SLC2A12: variants seen among roughly 807,000 people sequenced by gnomAD.
SLC2A12 encodes the protein solute carrier family 2 member 12.
SLC2A12 carries 23 observed loss-of-function variants against 41.8 expected under a neutral mutation model. That is an observed-to-expected ratio of 0.55 (90% CI 0.40 to 0.78). The LOEUF (loss-of-function observed/expected upper bound fraction) is 0.78, where lower values mean the gene tolerates loss of function less well. Ranked by LOEUF, SLC2A12 falls within the 30% of genes least tolerant of loss-of-function variation. The pLI is 0.00. For missense variants in SLC2A12, 654 were observed against 745.6 expected (o/e 0.88, Z 1.43); for synonymous variants, 295 against 285.9 (o/e 1.03, Z -0.32).
intron 2 of SLC2A12, among the ~76,000 whole-genome samples, chr6:134,010,631 TGTG>T (rs1034400563): frequency 2.2e-4 from 34 of 152,072 alleles, no homozygotes; most frequent in African/African-American, 7.7e-4. Flanking sequence ...GGGGCGGAGG[TGTG>T]GTGATTGTTT....
chr6:134,038,984 C>A (rs532421779), intron 1 of SLC2A12, among the ~76,000 whole-genome samples: 1 of 152,184 alleles, frequency 6.6e-6, no homozygotes, highest in South Asian at 2.1e-4. Flanking sequence ...GGATTACAGG[C>A]GTGAGCTATC....
chr6:134,031,319 GA>G (rs1777203308), intron 1 of SLC2A12, among the ~76,000 whole-genome samples: 1 of 152,088 alleles, frequency 6.6e-6, no homozygotes, highest in African/African-American at 2.4e-5. Context: ...TTGAACCCAG[GA>G]GGCAGAGGTT....
chr6:134,051,278 T>C (rs1193945824), intron 1 of SLC2A12, among the ~76,000 whole-genome samples: 1 of 152,084 alleles, frequency 6.6e-6, no homozygotes, highest in African/African-American at 2.4e-5. Context: ...ACATGGAAGA[T>C]GGAGGGCTTC....
intron 4 of SLC2A12, among the ~76,000 whole-genome samples, chr6:133,996,295 T>G (rs1776685658): frequency 6.6e-6 from 1 of 152,238 alleles, no homozygotes; most frequent in Non-Finnish European, 1.5e-5. Flanking sequence ...TTGTGCCCAC[T>G]TAAGCTGGGG....
At chr6:134,037,215 C>T (rs867274896) in intron 1 of SLC2A12, among the ~76,000 whole-genome samples, 10 of 136,486 alleles carry the variant, frequency 7.3e-5, no homozygotes, top group African/African-American at 1.7e-4. Flanking sequence ...AGTGCAGTGG[C>T]GCGATTTCGG....
At position 133,991,274 on chromosome 6, in the gene SLC2A12, G is replaced by A. The variant is rs756954445; in HGVS notation, c.1735C>T (p.His579Tyr). The A allele has an allele frequency of 1.4e-5, 22 of 1,613,768 alleles. No homozygotes were observed. Among genetic ancestry groups the A allele is most frequent in the Non-Finnish European group, 1.7e-5 (20 of 1,179,892 alleles). ...TTTGGCACTAATTCTTCTTGGTGAT[G>A]ACTCATAAAACAAATGTTGTTTTTC... is the stretch of plus-strand genomic sequence containing the variant. ...YVKNNICFMSHHQEELVPKQP... is the reference protein window; with the variant it reads ...YVKNNICFMSYHQEELVPKQP... Residue 579 changes from histidine to tyrosine, a missense_variant, in exon 5 of 5, where the codon CAT becomes TAT. This residue lies in a region of SLC2A12 where 134 missense variants were observed against 180.5 expected (regional missense o/e 0.74). Transcript: ENST00000275230.
intron 1 of SLC2A12, among the ~76,000 whole-genome samples, chr6:134,037,471 C>T (rs554489412): frequency 3.3e-5 from 5 of 152,066 alleles, no homozygotes; most frequent in Non-Finnish European, 7.4e-5. Context: ...TCTCCTGCCT[C>T]AGCGTCCGGA....
At chr6:134,000,572 A>C (rs1318925805) in intron 4 of SLC2A12, among the ~76,000 whole-genome samples, 1 of 152,234 alleles carries the variant, frequency 6.6e-6, no homozygotes, top group Non-Finnish European at 1.5e-5. Context: ...CCATTATATT[A>C]AAACCCAACA....
At chr6:134,050,178 G>A (rs1157010353) in intron 1 of SLC2A12, among the ~76,000 whole-genome samples, 1 of 152,162 alleles carries the variant, frequency 6.6e-6, no homozygotes, top group Non-Finnish European at 1.5e-5. Context: ...CATACAGCAA[G>A]TCTGCACTAT....
At chr6:134,036,003 C>T (rs1777293311) in intron 1 of SLC2A12, among the ~76,000 whole-genome samples, 1 of 152,168 alleles carries the variant, frequency 6.6e-6, no homozygotes, top group South Asian at 2.1e-4. Context: ...GCACTCAACA[C>T]GAAACAATCC....
chr6:134,018,780 A>G (rs1160997103), intron 2 of SLC2A12, among the ~76,000 whole-genome samples: 1 of 149,758 alleles, frequency 6.7e-6, no homozygotes, highest in Non-Finnish European at 1.5e-5. Flanking sequence ...GTCTGTCCCT[A>G]TCACTGGTTC....
At chr6:134,011,814 G>A (rs1312585625) in intron 2 of SLC2A12, among the ~76,000 whole-genome samples, 1 of 152,012 alleles carries the variant, frequency 6.6e-6, no homozygotes, top group East Asian at 1.9e-4. Flanking sequence ...GCCCGAGGTG[G>A]GCAGATCACC....
intron 2 of SLC2A12, among the ~76,000 whole-genome samples, chr6:134,014,679 A>G (rs553170369): frequency 2.6e-5 from 4 of 152,366 alleles, no homozygotes; most frequent in African/African-American, 7.2e-5. Flanking sequence ...GTTTATTAAG[A>G]TAGTATTAAA....
At chr6:134,003,468 T>C (rs1776776797) in intron 3 of SLC2A12, among the ~76,000 whole-genome samples, 1 of 152,252 alleles carries the variant, frequency 6.6e-6, no homozygotes, top group Non-Finnish European at 1.5e-5. Context: ...AGCCTCTTAC[T>C]GCCCTGTGAA....
chr6:134,014,380 A>G (rs142150400), intron 2 of SLC2A12, among the ~76,000 whole-genome samples: 31 of 152,306 alleles, frequency 2.0e-4, no homozygotes, highest in African/African-American at 7.2e-4. Context: ...TCCATGGTCC[A>G]GGAGTTGGGA....
rs568981117 is a variant in SLC2A12, at chr6:133,991,008, A to C, written c.*147T>G. 20 of 913,800 alleles carry C rather than the reference A, an allele frequency of 2.2e-5. 1 individual carries two copies. In the South Asian group the frequency reaches 4.7e-4, roughly 21 times the overall value. The allele number at this position is 913,800 out of a possible 1,614,324, so 56.6% of individuals were successfully genotyped here. ...TTCCTTCTGGGGAGGAGGGGGATTA[A>C]AGGCTGTCTTTATCATTTCAGAGTG... is the stretch of plus-strand genomic sequence containing the variant. On this transcript the variant is annotated 3_prime_UTR_variant, in exon 5 of 5. Coordinates refer to ENST00000275230, the MANE Select transcript of SLC2A12 (RefSeq NM_145176.3).
In SLC2A12 at chr6:134,007,926, C is replaced by T. The variant is rs113613250; in HGVS notation, c.1445-992G>A. Among the ~76,000 whole-genome samples, 648 of 152,290 alleles carry T rather than the reference C, an allele frequency of 4.3e-3. 6 individuals carry two copies. The highest frequency in any genetic ancestry group is 0.013 in the African/African-American group (552 of 41,554). On this transcript the variant is annotated intron_variant, in intron 2 of 4. Transcript: ENST00000275230. ...ATTATCCCTAGTAGTCTCTGGAATTCATGCTTTTTTGTCATTGTGCTTTAT... is the reference window on the plus strand; with the variant it reads ...ATTATCCCTAGTAGTCTCTGGAATTTATGCTTTTTTGTCATTGTGCTTTAT...
intron 1 of SLC2A12, among the ~76,000 whole-genome samples, chr6:134,047,048 G>A (rs1001770666): frequency 2.6e-5 from 4 of 152,166 alleles, no homozygotes; most frequent in African/African-American, 9.7e-5. Flanking sequence ...ACTTTTGAAG[G>A]GAAGAAGGGA....
rs1180377477 is a variant in SLC2A12 at position 133,989,467 on chromosome 6, G to C, written c.*1688C>G. 6 of 152,072 alleles carry C rather than the reference G, an allele frequency of 3.9e-5. No homozygotes were observed. Among genetic ancestry groups the C allele is most frequent in the Non-Finnish European group, 8.8e-5 (6 of 68,018 alleles). 9.4% of individuals were successfully genotyped at this position (152,072 alleles called of 1,614,324 possible). ...ATGAAGGGCTAAACAAAAAATACCT[G>C]AAGTATATATAGAGTTTGAACTATA... On this transcript the variant is annotated 3_prime_UTR_variant, in exon 5 of 5. Coordinates refer to ENST00000275230, the MANE Select transcript of SLC2A12 (RefSeq NM_145176.3).
Sources: gnomAD v4.1 joint callset for allele counts (sites outside exome capture counted in the v4.1 genomes callset) on GRCh38, gnomAD v4.1.1 for gene constraint, gnomAD v4.1.1 regional missense constraint, MANE v1.5 for transcripts, NCBI Gene and HGNC (gene_info 2026-07-23, HGNC 2026-07-21) for gene names.